Variants in FHIT observed in about 807,000 individuals in gnomAD.
The protein encoded by FHIT is fragile histidine triad diadenosine triphosphatase.
Under a neutral mutation model 17.9 loss-of-function variants are expected in FHIT, and 19 were observed. That is an observed-to-expected ratio of 1.06 (90% CI 0.74 to 1.56). FHIT has a LOEUF of 1.56. FHIT is among the 40% of genes most tolerant of loss of function. FHIT has a pLI of 0.00. For synonymous variants in FHIT, 81 were observed against 69.7 expected (o/e 1.16, Z -0.81); for missense variants, 248 against 189.2 (o/e 1.31, Z -1.82).
chr3:59,788,602 T>C (rs916779682), intron 8 of FHIT, among the ~76,000 whole-genome samples: 2 of 152,288 alleles, frequency 1.3e-5, no homozygotes, highest in South Asian at 2.1e-4. Context: ...ACAGTACTTC[T>C]CTGAATTGGT....
At chr3:60,257,050 G>A (rs1231938195) in intron 5 of FHIT, among the ~76,000 whole-genome samples, 1 of 152,126 alleles carries the variant, frequency 6.6e-6, no homozygotes, top group African/African-American at 2.4e-5. Flanking sequence ...CCTGCCACCT[G>A]GAGGAAGAAA....
At chr3:60,931,897 T>C (rs1460714289) in intron 3 of FHIT, among the ~76,000 whole-genome samples, 1 of 152,248 alleles carries the variant, frequency 6.6e-6, no homozygotes, top group Non-Finnish European at 1.5e-5. Flanking sequence ...GCATGTGTCC[T>C]AATTATCCAA....
chr3:60,784,646 C>T (rs910576941), intron 4 of FHIT, among the ~76,000 whole-genome samples: 8 of 152,156 alleles, frequency 5.3e-5, no homozygotes, highest in Admixed American at 1.3e-4. Flanking sequence ...TCCTTCCAGG[C>T]TCTGATAAAT....
At chr3:60,637,912 G>A (rs1208841638) in intron 4 of FHIT, among the ~76,000 whole-genome samples, 1 of 152,128 alleles carries the variant, frequency 6.6e-6, no homozygotes, top group Non-Finnish European at 1.5e-5. Context: ...TAGACATGAT[G>A]AATTGGCAAA....
chr3:60,105,045 G>A (rs1393255723), intron 5 of FHIT, among the ~76,000 whole-genome samples: 1 of 152,162 alleles, frequency 6.6e-6, no homozygotes, highest in East Asian at 1.9e-4. Flanking sequence ...TTGGCTGGGT[G>A]ACTGCTCTGT....
chr3:60,319,653 C>T (rs1185899454), intron 5 of FHIT, among the ~76,000 whole-genome samples: 1 of 152,142 alleles, frequency 6.6e-6, no homozygotes, highest in African/African-American at 2.4e-5. Flanking sequence ...GTGACCAGAA[C>T]AGCAAACAGC....
intron 3 of FHIT, among the ~76,000 whole-genome samples, chr3:60,849,441 A>AAAATATATAT: frequency 7.3e-6 from 1 of 137,700 alleles, no homozygotes; most frequent in South Asian, 2.4e-4. Flanking sequence ...ACAAAAATGA[A>AAAATATATAT]ATATATATAT....
chr3:59,753,757 A>G (rs1200730642), intron 8 of FHIT, among the ~76,000 whole-genome samples: 1 of 152,142 alleles, frequency 6.6e-6, no homozygotes, highest in Non-Finnish European at 1.5e-5. Context: ...ACTTAACCCC[A>G]TGTTACTGTG....
chr3:60,484,502 C>T (rs1422880327), intron 5 of FHIT, among the ~76,000 whole-genome samples: 1 of 152,094 alleles, frequency 6.6e-6, no homozygotes, highest in Non-Finnish European at 1.5e-5. Context: ...ACAGAGGCCT[C>T]AGAAATAAAA....
intron 5 of FHIT, among the ~76,000 whole-genome samples, chr3:60,430,954 G>T (rs1050485848): frequency 6.6e-6 from 1 of 151,984 alleles, no homozygotes; most frequent in South Asian, 2.1e-4. Flanking sequence ...GCTCACACCT[G>T]CAACCCCAGC....
intron 4 of FHIT, among the ~76,000 whole-genome samples, chr3:60,784,150 A>T (rs1553726287): frequency 2.0e-5 from 3 of 151,196 alleles, no homozygotes; most frequent in Admixed American, 2.0e-4. Context: ...ATCAATATAG[A>T]CCTGCCAATA....
At chr3:61,084,742 A>T (rs1411955982) in intron 2 of FHIT, among the ~76,000 whole-genome samples, 1 of 152,188 alleles carries the variant, frequency 6.6e-6, no homozygotes, top group Non-Finnish European at 1.5e-5. Flanking sequence ...ACATTTATAT[A>T]GTTATACAAC....
chr3:59,981,548 G>A (rs1224268319), intron 7 of FHIT, among the ~76,000 whole-genome samples: 1 of 152,122 alleles, frequency 6.6e-6, no homozygotes, highest in Non-Finnish European at 1.5e-5. Flanking sequence ...CAGTGGCAGT[G>A]CCTGGCCACA....
chr3:60,627,019 TG>T (rs1321258514), intron 4 of FHIT, among the ~76,000 whole-genome samples: 9 of 152,166 alleles, frequency 5.9e-5, no homozygotes, highest in Non-Finnish European at 1.3e-4. Flanking sequence ...TATGTTAAAA[TG>T]ATCTTGCATT....
intron 3 of FHIT, among the ~76,000 whole-genome samples, chr3:60,835,602 A>C (rs923118275): frequency 2.6e-5 from 4 of 152,168 alleles, no homozygotes; most frequent in Non-Finnish European, 4.4e-5. Flanking sequence ...CTCAATTATT[A>C]GTTTTTCATT....
chr3:61,004,794 G>C (rs1356655306), intron 3 of FHIT, among the ~76,000 whole-genome samples: 1 of 152,042 alleles, frequency 6.6e-6, no homozygotes, highest in East Asian at 1.9e-4. Flanking sequence ...CCTGATTCCT[G>C]GTATTAAGAA....
chr3:61,055,076 G>C (rs985951711), intron 2 of FHIT, among the ~76,000 whole-genome samples: 2 of 146,256 alleles, frequency 1.4e-5, no homozygotes, highest in Admixed American at 1.4e-4. Flanking sequence ...AACCACAGTT[G>C]TTGTTAGTAT....
At chr3:60,532,748 G>A (rs528479141) in intron 5 of FHIT, among the ~76,000 whole-genome samples, 11 of 152,294 alleles carry the variant, frequency 7.2e-5, no homozygotes, top group African/African-American at 2.6e-4. Context: ...TGAGAATGAA[G>A]CAAACGATCC....
chr3:60,857,686 T>C lies in FHIT; in HGVS notation c.-110-35675A>G, dbSNP rs149008848. ...TGGCTCATGCCTGTAATCCCAACTT[T>C]GGGATGCCAAAGTGGGAGGATCACT... On this transcript the variant is annotated intron_variant, in intron 3 of 9. Transcript: ENST00000492590. Among the ~76,000 whole-genome samples the C allele has an allele frequency of 3.9e-3, 589 of 152,246 alleles. 24 individuals are homozygous for C. In the East Asian group the frequency reaches 0.082, roughly 21 times the overall value.
Sources: allele counts gnomAD v4.1 joint callset (sites outside exome capture counted in the v4.1 genomes callset), GRCh38; gene constraint gnomAD v4.1.1; transcripts MANE v1.5; gene names NCBI Gene and HGNC (gene_info 2026-07-23, HGNC 2026-07-21).